Variants in RPS2 observed in about 807,000 individuals in gnomAD.
The protein encoded by RPS2 is small ribosomal subunit protein uS5.
A neutral mutation model predicts 25.3 loss-of-function variants in RPS2; 8 were observed. The ratio of observed to expected loss-of-function variants is 0.32; its 90% CI spans 0.19 to 0.57. The LOEUF is 0.57. RPS2 is among the 20% of genes least tolerant of loss of function. The pLI, the probability that RPS2 is intolerant of heterozygous loss-of-function variation, is 0.90. For synonymous variants in RPS2, 181 were observed against 161.3 expected, an observed-to-expected ratio of 1.12 and a Z score of -0.92; for missense variants, 229 against 408.1, an observed-to-expected ratio of 0.56 and a Z score of 3.78.
chr16:1,964,372 G>T lies in RPS2; in HGVS notation c.178-7C>A. 2 of 1,613,414 alleles carry T rather than the reference G, an allele frequency of 1.2e-6. No homozygotes were observed. Among genetic ancestry groups the T allele is most frequent in the Admixed American group, 1.7e-5 (1 of 60,026 alleles). On this transcript the variant is annotated splice_polypyrimidine_tract_variant and splice_region_variant and intron_variant, in intron 2 of 6. Transcript: ENST00000343262. ...ACTTGGTGACGGGCATCCACTAAAG[G>T]GAGAAAAGGCGCCAGTGACCAGGAC...
intron 1 of RPS2, 76 bp downstream of exon 1, chr16:1,964,731 A>G: frequency 1.6e-6 from 1 of 643,364 alleles, no homozygotes; most frequent in Non-Finnish European, 2.5e-6. Flanking sequence ...CGGACTCGGG[A>G]GCCTAGACCC....
Position 1,963,233 on chromosome 16 carries a change from G to A in RPS2, c.291C>T (p.Phe97=), listed in dbSNP as rs750820232. Residue 97 remains phenylalanine, a synonymous_variant, in exon 4 of 7, where the codon TTC becomes TTT. Transcript: ENST00000343262. The stretch of plus-strand genomic sequence containing the variant: ...CCTCATCCTTGAGAGAGGCCCCCAG[G>A]AAGAAATCAATGATCTCTGATTCCT... The part of the protein sequence containing the change: ...PIKESEIIDF[F]LGASLKDEVL... 9.1e-6 allele frequency: 14 copies of A among 1,539,478 alleles called. No homozygotes were observed. The highest frequency in any genetic ancestry group is 4.1e-5 in the African/African-American group (3 of 73,066).
chr16:1,963,685 G>A (rs1297617912), intron 3 of RPS2: 3 of 395,752 alleles, frequency 7.6e-6, no homozygotes, highest in Non-Finnish European at 5.1e-6. Flanking sequence ...CCTTCGTTTC[G>A]TTTTTGGAAG....
chr16:1,962,324 C>G (rs1265279441), intron 6 of RPS2, 54 bp from the exon 7 acceptor site: 1 of 1,547,732 alleles, frequency 6.5e-7, no homozygotes, highest in Non-Finnish European at 8.9e-7. Flanking sequence ...GGCAAGTCCC[C>G]CAACCCAAAA....
intron 3 of RPS2, chr16:1,963,828 C>T: frequency 2.2e-6 from 1 of 456,590 alleles, no homozygotes; most frequent in South Asian, 1.6e-5. Context: ...TAGCCATGAC[C>T]ACCGTACCTT....
chr16:1,962,575 T>A lies in RPS2; in HGVS notation c.631A>T (p.Lys211Ter). The A allele has an allele frequency of 6.2e-7, 1 of 1,611,430 alleles. No individual in the cohort carries two copies. Among genetic ancestry groups the A allele is most frequent in the Non-Finnish European group, 8.5e-7 (1 of 1,179,644 alleles). Residue 211 changes from lysine (K) to a stop codon, truncating the protein, a stop_gained, in exon 6 of 7, where the codon AAG becomes TAG. Transcript: ENST00000343262. LOFTEE classifies it high-confidence loss of function. ...GTGIVSAPVP[K>*]KLLMMAGIDD... is the part of the protein sequence containing the mutation. ...ATACCAGCCATCATGAGCAGCTTCT[T>A]AGGCACAGGTGCGGAGACGATGCCA...
intron 2 of RPS2, 22 bp downstream of exon 2, chr16:1,964,427 C>T: frequency 6.2e-7 from 1 of 1,612,496 alleles, no homozygotes; most frequent in Non-Finnish European, 8.5e-7. Flanking sequence ...GGGGCCCGAC[C>T]CCGAGCGTGG....
intron 4 of RPS2, 58 bp downstream of exon 4, chr16:1,963,091 G>A (rs1335358847): frequency 7.0e-7 from 1 of 1,436,108 alleles, no homozygotes; most frequent in Non-Finnish European, 9.8e-7. Flanking sequence ...GTGCAACTAT[G>A]CAGAGCCGAG....
In RPS2 at chr16:1,964,793, C is replaced by A. The variant is rs1326523816; in HGVS notation, c.-4+14G>T. 9.1e-6 allele frequency: 5 copies of A among 547,586 alleles called. No individual in the cohort carries two copies. 33.9% of individuals were successfully genotyped at this position (547,586 alleles called of 1,614,324 possible). A position where few individuals can be genotyped will look rare whatever the true frequency, so the allele number is the denominator to read the frequency against. On this transcript the variant is annotated intron_variant, in intron 1 of 6. Coordinates refer to ENST00000343262, the MANE Select transcript of RPS2 (RefSeq NM_002952.4). ...CCCACGCAGAGGCCCGCTGCAGCGA[C>A]CAACAGGACTCACGTGTTTTGTCGG...
chr16:1,963,915 T>C, intron 3 of RPS2: 1 of 400,754 alleles, frequency 2.5e-6, no homozygotes, highest in Non-Finnish European at 4.9e-6. Context: ...ATGACAGCTG[T>C]CCCGTACACG....
Position 1,962,664 on chromosome 16 carries a change from G to T in RPS2, c.550-8C>A, listed in dbSNP as rs934843396. 1.9e-5 allele frequency: 30 copies of T among 1,594,206 alleles called. No homozygotes were observed. In the African/African-American group the frequency reaches 3.9e-4, roughly 21 times the overall value. On this transcript the variant is annotated splice_polypyrimidine_tract_variant and splice_region_variant and intron_variant, in intron 5 of 6. Transcript: ENST00000343262. ...GCCGCAGCGGCCTGTCACCTGGTGA[G>T]GGAAGGAGTCAGGAGACGGGGGCCC...
chr16:1,962,725 C>T lies in RPS2; in HGVS notation c.549+11G>A. 1.3e-6 allele frequency: 2 copies of T among 1,595,944 alleles called. No homozygotes were observed. The highest frequency in any genetic ancestry group is 2.2e-5 in the South Asian group (2 of 89,536). ...GCCCCACGGCAGGCCCATCACCTGC[C>T]ACCAGCCTACCTTGCAAGGGACAGT... On this transcript the variant is annotated intron_variant, in intron 5 of 6. Coordinates refer to ENST00000343262, the MANE Select transcript of RPS2 (RefSeq NM_002952.4).
chr16:1,962,823 G>A lies in RPS2; in HGVS notation c.462C>T (p.Ala154=), dbSNP rs754715752. The part of the protein sequence containing the change: ...SKEVATAIRG[A]IILAKLSIVP... ...CGATGGAGAGCTTGGCCAGGATGAT[G>A]GCCCCACGGATGGCGGTGGCCACCT... Residue 154 remains alanine, a synonymous_variant, in exon 5 of 7, where the codon GCC becomes GCT. Coordinates refer to ENST00000343262, the MANE Select transcript of RPS2 (RefSeq NM_002952.4). 6.2e-7 allele frequency: 1 copy of A among 1,609,472 alleles called. No homozygotes were observed. The highest frequency in any genetic ancestry group is 8.5e-7 in the Non-Finnish European group (1 of 1,179,456).
chr16:1,962,946 ACACCCAAT>A (rs1340950734), intron 4 of RPS2, 37 bp from the exon 5 acceptor site: 4 of 1,593,916 alleles, frequency 2.5e-6, no homozygotes, highest in Non-Finnish European at 3.4e-6. Context: ...TGGTGGCCCT[ACACCCAAT>A]CACTGCCCAC....
At chr16:1,964,670 G>A (rs775530282) in intron 1 of RPS2, 42 bp from the exon 2 acceptor site, 15 of 1,062,694 alleles carry the variant, frequency 1.4e-5, no homozygotes, top group South Asian at 1.3e-4. Flanking sequence ...TGTGGCCTAC[G>A]CATCTGGCAG....
Position 1,964,360 on chromosome 16 carries a change from C to A in RPS2, c.183G>T (p.Met61Ile), listed in dbSNP as rs139767914. The A allele has an allele frequency of 3.7e-6, 6 of 1,613,462 alleles. No homozygotes were observed. The African/African-American group carries it at 5.3e-5, about 14-fold the overall frequency. Reference sequence around the variant, plus strand: ...CCAAGCGGCCCAACTTGGTGACGGGCATCCACTAAAGGGAGAAAAGGCGCC... The same window carrying A: ...CCAAGCGGCCCAACTTGGTGACGGGAATCCACTAAAGGGAGAAAAGGCGCC... ...RGGKAEDKEW[M>I]PVTKLGRLVK... Residue 61 changes from methionine to isoleucine, a missense_variant, in exon 3 of 7, where the codon ATG (methionine) becomes ATT (isoleucine). Transcript: ENST00000343262.
At chr16:1,964,026 C>A in intron 3 of RPS2, 1 of 535,638 alleles carries the variant, frequency 1.9e-6, no homozygotes, top group Non-Finnish European at 3.4e-6. Flanking sequence ...TCTTTCAGTT[C>A]TTTCGAAATG....
At chr16:1,964,135 C>G (rs1381699506) in intron 3 of RPS2, 141 bp downstream of exon 3, 2 of 678,512 alleles carry the variant, frequency 2.9e-6, no homozygotes, top group Admixed American at 2.5e-5. Flanking sequence ...CTCTCCTCAG[C>G]CAGCCCGCAA....
In RPS2 at chr16:1,962,969, C is replaced by T. The variant is rs560404007; in HGVS notation, c.376-60G>A. On this transcript the variant is annotated intron_variant, in intron 4 of 6. Coordinates refer to ENST00000343262, the MANE Select transcript of RPS2 (RefSeq NM_002952.4). ...CTACACCCAATCACTGCCCACCGCC[C>T]AGGGCCTGTTGCACCCCTCAAGGAA... The T allele has an allele frequency of 3.3e-5, 51 of 1,565,666 alleles. No individual in the cohort carries two copies. In the East Asian group the frequency reaches 1.1e-3, roughly 35 times the overall value.
Sources: allele counts gnomAD v4.1 joint callset, GRCh38; gene constraint gnomAD v4.1.1; transcripts MANE v1.5; gene names NCBI Gene and HGNC (gene_info 2026-07-23, HGNC 2026-07-21).